Variants in PAPPA observed in about 807,000 individuals in gnomAD.
PAPPA encodes the protein pappalysin 1, also known as pappalysin-1.
PAPPA carries 60 observed loss-of-function variants against 164.0 expected under a neutral mutation model. That is an observed-to-expected ratio of 0.37 (90% CI 0.30 to 0.45). PAPPA has a LOEUF of 0.45. Among genes scored for constraint, PAPPA ranks in the 20% least tolerant of loss-of-function variants. PAPPA has a pLI of 1.00. For synonymous variants in PAPPA, 875 were observed against 814.1 expected (o/e 1.07, Z -1.27); for missense variants, 1,782 against 2,087.3 (o/e 0.85, Z 2.85).
chr9:116,351,851 C>A lies in PAPPA; in HGVS notation c.3965-855C>A, dbSNP rs141394643. Among the ~76,000 whole-genome samples the A allele has an allele frequency of 2.7e-3, 413 of 152,310 alleles. 2 individuals are homozygous for A. The highest frequency in any genetic ancestry group is 9.3e-3 in the African/African-American group (388 of 41,572). On this transcript the variant is annotated intron_variant, in intron 15 of 21. Transcript: ENST00000328252. ...AACCTGCAAGTCCCCGAGCCCCCGA[C>A]ATGTTTCCAGCCCTGATTGTCAACA...
chr9:116,218,271 C>T (rs1167089927), intron 4 of PAPPA, among the ~76,000 whole-genome samples: 1 of 152,172 alleles, frequency 6.6e-6, no homozygotes, highest in Admixed American at 6.5e-5. Flanking sequence ...CTGCACCTTC[C>T]CTAAGCTGGA....
Position 116,382,505 on chromosome 9 carries a change from T to C in PAPPA, c.4776+12T>C, listed in dbSNP as rs757207889. 1 of 1,560,856 alleles carries C rather than the reference T, an allele frequency of 6.4e-7. No homozygotes were observed. Among genetic ancestry groups the C allele is most frequent in the East Asian group, 2.2e-5 (1 of 44,626 alleles). The stretch of plus-strand genomic sequence containing the variant: ...TGAAGACCAAAAAGGTAGGCCAGTG[T>C]GCACTCCTCGGCAGCTGCCTCCTGC... On this transcript the variant is annotated intron_variant, in intron 21 of 21. Transcript: ENST00000328252.
intron 17 of PAPPA, among the ~76,000 whole-genome samples, chr9:116,362,093 A>AG (rs111535922): frequency 0.16 from 24,925 of 152,144 alleles, 2,165 homozygotes; most frequent in Non-Finnish European, 0.2. Context: ...ATGTCTTGGA[A>AG]AAAAAGCTTC....
rs763741215 is a variant in PAPPA at position 116,302,877 on chromosome 9, C to G, written c.3074C>G (p.Ser1025Cys). ...TPQGFLDQWA[S>C]NASVSHQDQQ... is the part of the protein sequence containing the mutation. Reference sequence around the variant, plus strand: ...CAGGGATTCCTGGATCAGTGGGCATCCAATGCTTCAGTATCTCATCAAGAC... The same window carrying G: ...CAGGGATTCCTGGATCAGTGGGCATGCAATGCTTCAGTATCTCATCAAGAC... The change falls in exon 10 of 22, where the codon TCC becomes TGC. Residue 1025 changes from serine (S) to cysteine (C), a missense_variant. Transcript: ENST00000328252. The G allele has an allele frequency of 1.9e-6, 3 of 1,614,096 alleles. No individual in the cohort carries two copies. Among genetic ancestry groups the G allele is most frequent in the Non-Finnish European group, 2.5e-6 (3 of 1,179,992 alleles).
intron 10 of PAPPA, among the ~76,000 whole-genome samples, chr9:116,313,263 C>A (rs1288666128): frequency 6.6e-6 from 1 of 152,100 alleles, no homozygotes; most frequent in Non-Finnish European, 1.5e-5. Context: ...TGTGCCAGGG[C>A]AGTCCAAAAA....
intron 1 of PAPPA, among the ~76,000 whole-genome samples, chr9:116,181,400 A>T (rs144679489): frequency 7.3e-4 from 111 of 151,402 alleles, no homozygotes; most frequent in African/African-American, 2.6e-3. Flanking sequence ...TTTTCCTTGT[A>T]TCTTCACATA....
At chr9:116,280,886 C>A (rs532027923) in intron 9 of PAPPA, among the ~76,000 whole-genome samples, 18 of 152,206 alleles carry the variant, frequency 1.2e-4, no homozygotes, top group Non-Finnish European at 2.5e-4. Context: ...AAAATATTTA[C>A]CATCTGGTCC....
intron 1 of PAPPA, among the ~76,000 whole-genome samples, chr9:116,179,352 G>GAA (rs1284470120): frequency 5.9e-5 from 9 of 152,202 alleles, no homozygotes; most frequent in Admixed American, 5.9e-4. Flanking sequence ...CCTGCAAAAG[G>GAA]AAATCTGGTC....
At position 116,235,071 on chromosome 9, in the gene PAPPA, C is replaced by T; in HGVS notation, c.2234-68C>T. On this transcript the variant is annotated intron_variant, in intron 6 of 21. Coordinates refer to ENST00000328252, the MANE Select transcript of PAPPA (RefSeq NM_002581.5). ...TCAGACCAATTTCTCCTGGGGTCCACAGGAAACTCTAAGGATGGGAATAAA... is the reference window on the plus strand; with the variant it reads ...TCAGACCAATTTCTCCTGGGGTCCATAGGAAACTCTAAGGATGGGAATAAA... The T allele has an allele frequency of 5.0e-6, 8 of 1,585,200 alleles. No homozygotes were observed. The South Asian group carries it at 7.9e-5, about 16-fold the overall frequency.
Position 116,154,364 on chromosome 9 carries a change from G to C in PAPPA, c.192G>C (p.Pro64=). 1 of 918,534 alleles carries C rather than the reference G, an allele frequency of 1.1e-6. No individual in the cohort carries two copies. The highest frequency in any genetic ancestry group is 1.3e-6 in the Non-Finnish European group (1 of 743,886). 56.9% of individuals were successfully genotyped at this position (918,534 alleles called of 1,614,324 possible). A position where few individuals can be genotyped will look rare whatever the true frequency, so the allele number is the denominator to read the frequency against. Residue 64 remains proline, a synonymous_variant, in exon 1 of 22, where the codon CCG becomes CCC. Coordinates refer to ENST00000328252, the MANE Select transcript of PAPPA (RefSeq NM_002581.5). The surrounding 1 kb of genome is among the most constrained non-coding windows in gnomAD (Gnocchi z 5.2). ...GRRASPPPPP[P]PGGAWEAVRV... ...GCGCCTCGCCGCCGCCGCCGCCGCC[G>C]CCGGGCGGTGCCTGGGAAGCCGTGC...
At chr9:116,162,886 T>C (rs1843684022) in intron 1 of PAPPA, among the ~76,000 whole-genome samples, 1 of 152,106 alleles carries the variant, frequency 6.6e-6, no homozygotes, top group African/African-American at 2.4e-5. Flanking sequence ...CATCTTAACA[T>C]AGAAAAATTA....
chr9:116,359,774 T>C (rs7853634), intron 17 of PAPPA, among the ~76,000 whole-genome samples: 24,256 of 152,250 alleles, frequency 0.16, 2,107 homozygotes, highest in Non-Finnish European at 0.2. Flanking sequence ...AAGTGATTCA[T>C]TTGTCTAGCA....
chr9:116,180,558 C>T (rs1381093593), intron 1 of PAPPA, among the ~76,000 whole-genome samples: 1 of 152,126 alleles, frequency 6.6e-6, no homozygotes, highest in Non-Finnish European at 1.5e-5. Context: ...AAAAATACCA[C>T]TTTTTCACAG....
Position 116,331,347 on chromosome 9 carries a change from T to C in PAPPA, c.3251T>C (p.Phe1084Ser). ...TATTCCCAGCTGGCTCAGACCACTTTTTGGCTCCGGGTAAGCTGAAGCTCT... is the reference window on the plus strand; with the variant it reads ...TATTCCCAGCTGGCTCAGACCACTTCTTGGCTCCGGGTAAGCTGAAGCTCT... ...YPYSQLAQTT[F>S]WLRAYFSQPM... is the part of the protein sequence containing the mutation. The change falls in exon 11 of 22, where the codon TTT becomes TCT. Residue 1084 changes from phenylalanine to serine, a missense_variant. Phe to Ser is a radical substitution (Grantham distance 155, BLOSUM62 -2). Transcript: ENST00000328252. 1 of 1,607,724 alleles carries C rather than the reference T, an allele frequency of 6.2e-7. No individual in the cohort carries two copies. Among genetic ancestry groups the C allele is most frequent in the East Asian group, 2.2e-5 (1 of 44,846 alleles).
intron 8 of PAPPA, among the ~76,000 whole-genome samples, chr9:116,268,227 G>C (rs186077810): frequency 6.6e-6 from 1 of 152,286 alleles, no homozygotes; most frequent in South Asian, 2.1e-4. Context: ...AACATACAAT[G>C]CTGTATGTAT....
intron 1 of PAPPA, among the ~76,000 whole-genome samples, chr9:116,177,501 G>C (rs1843851182): frequency 6.6e-6 from 1 of 152,196 alleles, no homozygotes; most frequent in Non-Finnish European, 1.5e-5. Context: ...TCAAATATGA[G>C]GTTAGGTGTG....
chr9:116,344,528 T>C lies in PAPPA; in HGVS notation c.3612-15T>C, dbSNP rs1344540122. ...TGAGGAGACTCCTTCTTCCCCTCGT[T>C]TCTTTCCTCCCCAGCTGCGTGCACT... On this transcript the variant is annotated splice_polypyrimidine_tract_variant and intron_variant, in intron 13 of 21. Coordinates refer to ENST00000328252, the MANE Select transcript of PAPPA (RefSeq NM_002581.5). The C allele has an allele frequency of 1.2e-6, 2 of 1,604,792 alleles. No individual in the cohort carries two copies. The highest frequency in any genetic ancestry group is 1.7e-6 in the Non-Finnish European group (2 of 1,172,198).
chr9:116,235,211 A>C lies in PAPPA; in HGVS notation c.2306A>C (p.His769Pro). 1 of 1,614,118 alleles carries C rather than the reference A, an allele frequency of 6.2e-7. No individual in the cohort carries two copies. The highest frequency in any genetic ancestry group is 8.5e-7 in the Non-Finnish European group (1 of 1,180,004). ...AGCCCAAATTCAGCTGTCAACCCACACACGGTTCCTCCAGCCTGCCCTGAG... is the reference window on the plus strand; with the variant it reads ...AGCCCAAATTCAGCTGTCAACCCACCCACGGTTCCTCCAGCCTGCCCTGAG... ...TWSPNSAVNP[H>P]TVPPACPEPQ... The change falls in exon 7 of 22, where the codon CAC (histidine) becomes CCC (proline). Residue 769 changes from histidine to proline, a missense_variant. His to Pro is a moderately conservative substitution (Grantham distance 77). Transcript: ENST00000328252.
chr9:116,283,957 C>G (rs139091233), intron 9 of PAPPA, among the ~76,000 whole-genome samples: 2 of 152,306 alleles, frequency 1.3e-5, no homozygotes, highest in South Asian at 2.1e-4. Flanking sequence ...CCCCAAATAC[C>G]TTTTTCCACC....
Sources: allele counts gnomAD v4.1 joint callset (sites outside exome capture counted in the v4.1 genomes callset), GRCh38; gene constraint gnomAD v4.1.1; non-coding constraint Gnocchi (gnomAD v3.1); transcripts MANE v1.5; gene names NCBI Gene and HGNC (gene_info 2026-07-23, HGNC 2026-07-21).